The following LRRTM3 variants were observed in gnomAD, a reference collection of about 807,000 sequenced individuals.
LRRTM3 encodes the protein leucine rich repeat transmembrane neuronal 3.
A neutral mutation model predicts 44.7 loss-of-function variants in LRRTM3; 24 were observed. That is an observed-to-expected ratio of 0.54 (90% CI 0.39 to 0.76). The LOEUF is 0.76. Among genes scored for constraint, LRRTM3 ranks in the 30% least tolerant of loss-of-function variants. The pLI is 0.00. For synonymous variants in LRRTM3, 277 were observed against 278.7 expected, an observed-to-expected ratio of 0.99 and a Z score of 0.06; for missense variants, 587 against 702.2, an observed-to-expected ratio of 0.84 and a Z score of 1.85.
intron 2 of LRRTM3, among the ~76,000 whole-genome samples, chr10:67,019,992 C>T (rs1852898283): frequency 8.5e-6 from 1 of 118,252 alleles, no homozygotes; most frequent in South Asian, 3.5e-4. Context: ...CATTTAACAA[C>T]ATAATTGTGT....
At position 66,927,007 on chromosome 10, in the gene LRRTM3, G is replaced by C. The variant is rs755532610; in HGVS notation, c.91G>C (p.Glu31Gln). The stretch of plus-strand genomic sequence containing the variant: ...CTTACTGACAATGCTTTCTTCTGCC[G>C]AACGAGGATGCCCTAAGGGCTGTAG... Reference protein sequence around the residue: ...TVLLTMLSSAERGCPKGCRCE... With the variant: ...TVLLTMLSSAQRGCPKGCRCE... Residue 31 changes from glutamate to glutamine, a missense_variant, in exon 2 of 3, where the codon GAA becomes CAA. By Grantham distance (29) the Glu-to-Gln change is conservative. Coordinates refer to ENST00000361320, the MANE Select transcript of LRRTM3 (RefSeq NM_178011.5). This position sits in a 1 kb window ranked among gnomAD's most constrained non-coding sequence, Gnocchi z 4.7. 3 of 1,614,056 alleles carry C rather than the reference G, an allele frequency of 1.9e-6. No homozygotes were observed. Among genetic ancestry groups the C allele is most frequent in the South Asian group, 2.2e-5 (2 of 91,058 alleles).
intron 2 of LRRTM3, among the ~76,000 whole-genome samples, chr10:66,976,500 T>G (rs571317762): frequency 6.6e-6 from 1 of 152,338 alleles, no homozygotes; most frequent in South Asian, 2.1e-4. Flanking sequence ...ATTACTAGCC[T>G]ACCCTACAAA....
At position 67,098,527 on chromosome 10, in the gene LRRTM3, T is replaced by C. The variant is rs879248599; in HGVS notation, c.*731T>C. On this transcript the variant is annotated 3_prime_UTR_variant, in exon 3 of 3. Transcript: ENST00000361320. The stretch of plus-strand genomic sequence containing the variant: ...TTAACTGTTGCCTTGAATTACAGCC[T>C]AGTTTCTAAGCAGTGAAATGTAATG... 2.0e-5 allele frequency: 3 copies of C among 152,304 alleles called. No individual in the cohort carries two copies. In the Admixed American group the frequency reaches 2.0e-4, roughly 10 times the overall value. The allele number at this position is 152,304 out of a possible 1,614,324, so 9.4% of individuals were successfully genotyped here.
chr10:67,018,397 A>T (rs997529817), intron 2 of LRRTM3, among the ~76,000 whole-genome samples: 28 of 152,250 alleles, frequency 1.8e-4, no homozygotes, highest in African/African-American at 6.5e-4. Context: ...GCATATTCAA[A>T]TTGGTTATAA....
chr10:67,073,879 T>C (rs1015032688), intron 2 of LRRTM3, among the ~76,000 whole-genome samples: 12 of 152,206 alleles, frequency 7.9e-5, no homozygotes, highest in Non-Finnish European at 1.6e-4. Context: ...CACATTTTAC[T>C]GATGAGTTAA....
chr10:67,040,308 C>T (rs1391383610), intron 2 of LRRTM3, among the ~76,000 whole-genome samples: 4 of 152,046 alleles, frequency 2.6e-5, no homozygotes, highest in Non-Finnish European at 5.9e-5. Flanking sequence ...CATTTTCTCA[C>T]AGATAAATAG....
chr10:67,038,984 G>A (rs905396602), intron 2 of LRRTM3, among the ~76,000 whole-genome samples: 10 of 151,882 alleles, frequency 6.6e-5, no homozygotes, highest in Non-Finnish European at 1.2e-4. Flanking sequence ...AATTTTTCAG[G>A]CATAATCAAG....
intron 2 of LRRTM3, among the ~76,000 whole-genome samples, chr10:67,025,982 A>G (rs1222122845): frequency 1.3e-5 from 2 of 151,172 alleles, no homozygotes; most frequent in African/African-American, 2.5e-5. Flanking sequence ...ATTGGAAATC[A>G]TCATTCTCAG....
intron 2 of LRRTM3, among the ~76,000 whole-genome samples, chr10:67,026,500 T>C (rs991239663): frequency 9.2e-5 from 14 of 152,160 alleles, no homozygotes; most frequent in Middle Eastern, 3.4e-3. Flanking sequence ...ATAAGTAATA[T>C]GGAAAAGTTT....
intron 2 of LRRTM3, among the ~76,000 whole-genome samples, chr10:67,052,880 G>A (rs893459442): frequency 1.3e-4 from 20 of 151,958 alleles, no homozygotes; most frequent in African/African-American, 3.9e-4. Flanking sequence ...TGTAAGTTTC[G>A]TAAATTCTAA....
At position 67,100,234 on chromosome 10, in the gene LRRTM3, C is replaced by T. The variant is rs937151455; in HGVS notation, c.*2438C>T. Among the ~76,000 whole-genome samples the T allele has an allele frequency of 6.6e-5, 10 of 151,582 alleles. No homozygotes were observed. The highest frequency in any genetic ancestry group is 1.3e-4 in the Non-Finnish European group (9 of 67,762). On this transcript the variant is annotated 3_prime_UTR_variant, in exon 3 of 3. Transcript: ENST00000361320. ...ATATTTTAAATTCATCTAAAGTGAA[C>T]GACTATAAATAGAAGCAATCACCTT...
At chr10:66,989,916 T>C (rs888142181) in intron 2 of LRRTM3, among the ~76,000 whole-genome samples, 1 of 152,144 alleles carries the variant, frequency 6.6e-6, no homozygotes, top group Admixed American at 6.6e-5. Flanking sequence ...TGGCATTTAG[T>C]GTTCAAGAAA....
intron 2 of LRRTM3, among the ~76,000 whole-genome samples, chr10:66,938,103 A>G (rs1364611548): frequency 1.3e-5 from 2 of 152,188 alleles, no homozygotes; most frequent in Non-Finnish European, 1.5e-5. Flanking sequence ...TCTACAGTAA[A>G]CATTTCAACT....
intron 2 of LRRTM3, among the ~76,000 whole-genome samples, chr10:66,985,816 C>T (rs773261560): frequency 6.6e-6 from 1 of 152,248 alleles, no homozygotes; most frequent in East Asian, 1.9e-4. Context: ...CAATCTTCAC[C>T]TCCTGGGTTC....
intron 2 of LRRTM3, among the ~76,000 whole-genome samples, chr10:67,000,092 A>G (rs544033749): frequency 6.6e-6 from 1 of 152,272 alleles, no homozygotes; most frequent in Admixed American, 6.5e-5. Flanking sequence ...TTTTCTCCAT[A>G]TTTCTAACAA....
intron 2 of LRRTM3, among the ~76,000 whole-genome samples, chr10:66,996,305 A>G (rs1376041663): frequency 1.3e-5 from 2 of 152,206 alleles, no homozygotes; most frequent in African/African-American, 4.8e-5. Flanking sequence ...ACAAAGTAAA[A>G]AGAGCAAGAG....
At chr10:67,022,025 C>T (rs371543863) in intron 2 of LRRTM3, among the ~76,000 whole-genome samples, 4 of 152,128 alleles carry the variant, frequency 2.6e-5, no homozygotes, top group African/African-American at 9.7e-5. Context: ...TAGACCTTTC[C>T]TACGCATTTG....
chr10:66,949,555 T>A (rs184125863), intron 2 of LRRTM3, among the ~76,000 whole-genome samples: 1 of 112,208 alleles, frequency 8.9e-6, no homozygotes, highest in African/African-American at 4.1e-5. Context: ...CAAAACTCCA[T>A]CTCAAAATAA....
At chr10:66,939,497 ATTTGTATTCAACTCT>A (rs1589454508) in intron 2 of LRRTM3, among the ~76,000 whole-genome samples, 1 of 152,298 alleles carries the variant, frequency 6.6e-6, no homozygotes. Flanking sequence ...GAAAAATTCT[ATTTGTATTCAACTCT>A]TTTGTTTGGG....
Sources: allele counts gnomAD v4.1 joint callset (sites outside exome capture counted in the v4.1 genomes callset), GRCh38; gene constraint gnomAD v4.1.1; non-coding constraint Gnocchi (gnomAD v3.1); transcripts MANE v1.5; gene names NCBI Gene and HGNC (gene_info 2026-07-23, HGNC 2026-07-21).